PPP6R3: variants seen among roughly 807,000 people sequenced by gnomAD.
PPP6R3 encodes the protein protein phosphatase 6 regulatory subunit 3.
PPP6R3 carries 38 observed loss-of-function variants against 110.7 expected under a neutral mutation model. That is an observed-to-expected ratio of 0.34 (90% CI 0.26 to 0.45). PPP6R3 has a LOEUF of 0.45. Among genes scored for constraint, PPP6R3 ranks in the 20% least tolerant of loss-of-function variants. The pLI is 1.00. For missense variants in PPP6R3, 870 were observed against 1,062.4 expected, an observed-to-expected ratio of 0.82 and a Z score of 2.52; for synonymous variants, 369 against 373.5, an observed-to-expected ratio of 0.99 and a Z score of 0.14.
At chr11:68,544,428 T>C (rs1001401417) in intron 3 of PPP6R3, among the ~76,000 whole-genome samples, 2 of 152,326 alleles carry the variant, frequency 1.3e-5, no homozygotes, top group Non-Finnish European at 2.9e-5. Context: ...CAGTGCAGTT[T>C]CCTGGAAACC....
At chr11:68,606,818 T>C (rs1180905845) in intron 22 of PPP6R3, among the ~76,000 whole-genome samples, 3 of 152,158 alleles carry the variant, frequency 2.0e-5, no homozygotes, top group Non-Finnish European at 4.4e-5. Context: ...GATAAAACTG[T>C]TGTTCTTTGC....
At chr11:68,570,506 G>A (rs2099499755) in intron 11 of PPP6R3, among the ~76,000 whole-genome samples, 1 of 152,218 alleles carries the variant, frequency 6.6e-6, no homozygotes, top group Non-Finnish European at 1.5e-5. Flanking sequence ...CACCTGAGAA[G>A]AACTAGCCCT....
At chr11:68,487,600 A>T (rs905928729) in intron 1 of PPP6R3, among the ~76,000 whole-genome samples, 28 of 151,120 alleles carry the variant, frequency 1.9e-4, no homozygotes, top group African/African-American at 6.8e-4. Flanking sequence ...TTTTTTATTT[A>T]GTTAAAAATA....
rs1179617745 is a variant in PPP6R3, at chr11:68,477,741, A to AATATATAT, written c.-158+16938_-158+16945dup. ...GACATTGTCTCTTAAAAAAAAAAAA[A>AATATATAT]ATATATATATATATATATATATATA... is the stretch of plus-strand genomic sequence containing the variant. On this transcript the variant is annotated intron_variant, in intron 1 of 23. Coordinates refer to ENST00000393800, the MANE Select transcript of PPP6R3 (RefSeq NM_001164161.2). 4.0e-3 allele frequency among the ~76,000 whole-genome samples: 229 copies of AATATATAT among 57,846 alleles called. 3 individuals carry two copies. The highest frequency in any genetic ancestry group is 0.023 in the Middle Eastern group (2 of 86). The allele number at this position is 57,846 out of a possible 152,430, so 37.9% of individuals were successfully genotyped here. A position where few individuals can be genotyped will look rare whatever the true frequency, so the allele number is the denominator to read the frequency against.
At chr11:68,597,819 A>AAG (rs2099618737) in intron 19 of PPP6R3, among the ~76,000 whole-genome samples, 1 of 147,908 alleles carries the variant, frequency 6.8e-6, no homozygotes, top group Admixed American at 6.7e-5. Context: ...TCTCTACTGA[A>AAG]AAAAAAAAAA....
rs370939332 is a variant in PPP6R3, at chr11:68,613,119, G to A, written c.*2G>A. On this transcript the variant is annotated 3_prime_UTR_variant, in exon 24 of 24. Transcript: ENST00000393800. The stretch of plus-strand genomic sequence containing the variant: ...ACTTCAGTGAATGGCCCTGTATGAC[G>A]GGTGACGTCTGCTGCTGCTGACTGA... 4 of 1,613,852 alleles carry A rather than the reference G, an allele frequency of 2.5e-6. No individual in the cohort carries two copies. The highest frequency in any genetic ancestry group is 3.3e-5 in the Admixed American group (2 of 59,994).
chr11:68,592,683 C>T (rs1298031753), intron 18 of PPP6R3, among the ~76,000 whole-genome samples: 3 of 152,194 alleles, frequency 2.0e-5, no homozygotes, highest in Non-Finnish European at 4.4e-5. Context: ...GTTGAGTTAT[C>T]TCCTATGATC....
At chr11:68,608,251 A>C (rs1230117174) in intron 22 of PPP6R3, among the ~76,000 whole-genome samples, 2 of 152,244 alleles carry the variant, frequency 1.3e-5, no homozygotes, top group East Asian at 1.9e-4. Context: ...AAGAAAACCC[A>C]AATTAGAAAA....
intron 1 of PPP6R3, among the ~76,000 whole-genome samples, chr11:68,464,005 G>A (rs1394113282): frequency 6.6e-6 from 1 of 152,220 alleles, no homozygotes. Flanking sequence ...ACACTGCTGA[G>A]GTTGAGAAAT....
rs1157617908 is a variant in PPP6R3, at chr11:68,496,853, CTTTTTT to C, written c.-157-22627_-157-22622del. Among the ~76,000 whole-genome samples, 412 of 61,234 alleles carry C rather than the reference CTTTTTT, an allele frequency of 6.7e-3. 2 individuals are homozygous for C. The highest frequency in any genetic ancestry group is 0.027 in the African/African-American group (393 of 14,820). 40.2% of individuals were successfully genotyped at this position (61,234 alleles called of 152,430 possible). A position where few individuals can be genotyped will look rare whatever the true frequency, so the allele number is the denominator to read the frequency against. On this transcript the variant is annotated intron_variant, in intron 1 of 23. Coordinates refer to ENST00000393800, the MANE Select transcript of PPP6R3 (RefSeq NM_001164161.2). ...TTTCTTAATTATTCCATATTCTTGT[CTTTTTT>C]TTTTTTTTTTTTTTTTTTTTGAGAC...
intron 2 of PPP6R3, among the ~76,000 whole-genome samples, chr11:68,527,784 A>G (rs747087390): frequency 1.1e-4 from 16 of 152,186 alleles, no homozygotes; most frequent in African/African-American, 3.6e-4. Context: ...TGTGTTGCCA[A>G]CCTAATCCTA....
intron 1 of PPP6R3, among the ~76,000 whole-genome samples, chr11:68,463,911 G>A (rs1000105721): frequency 1.3e-5 from 2 of 152,086 alleles, no homozygotes; most frequent in African/African-American, 4.8e-5. Context: ...GAGGGTAGAG[G>A]CCAAGGATAC....
At chr11:68,611,138 T>G (rs2153977334) in intron 23 of PPP6R3, among the ~76,000 whole-genome samples, 1 of 152,336 alleles carries the variant, frequency 6.6e-6, no homozygotes, top group Non-Finnish European at 1.5e-5. Flanking sequence ...CTGCCTCAAC[T>G]CTGCTTCTAC....
chr11:68,597,162 A>G (rs1007886343), intron 19 of PPP6R3, among the ~76,000 whole-genome samples: 1 of 152,170 alleles, frequency 6.6e-6, no homozygotes, highest in Non-Finnish European at 1.5e-5. Context: ...CTCTGCCTCC[A>G]GGGGCTTGGG....
intron 12 of PPP6R3, among the ~76,000 whole-genome samples, chr11:68,573,114 T>TTATATATATATATATATATATATATA (rs60848718): frequency 8.1e-5 from 5 of 61,798 alleles, no homozygotes; most frequent in Non-Finnish European, 1.1e-4. Flanking sequence ...TTTACTTATT[T>TTATATATATATATATATATATATATA]TATATATATA....
chr11:68,464,430 C>T (rs768226527), intron 1 of PPP6R3, among the ~76,000 whole-genome samples: 38 of 152,014 alleles, frequency 2.5e-4, no homozygotes, highest in Non-Finnish European at 4.4e-4. Context: ...TGCCCGGCCA[C>T]GAGAATCTAT....
intron 22 of PPP6R3, among the ~76,000 whole-genome samples, chr11:68,605,744 T>G (rs1939343856): frequency 6.6e-6 from 1 of 152,190 alleles, no homozygotes; most frequent in Non-Finnish European, 1.5e-5. Context: ...CAATGAGAGA[T>G]AGTCTAATTT....
At chr11:68,533,704 C>CAAAA (rs58617776) in intron 2 of PPP6R3, among the ~76,000 whole-genome samples, 9 of 56,164 alleles carry the variant, frequency 1.6e-4, no homozygotes, top group Admixed American at 5.1e-4. Flanking sequence ...GACCTTGTCT[C>CAAAA]AAAAAAAAAA....
chr11:68,487,567 CAA>C (rs1229907000), intron 1 of PPP6R3, among the ~76,000 whole-genome samples: 4 of 132,730 alleles, frequency 3.0e-5, no homozygotes, highest in Non-Finnish European at 4.9e-5. Flanking sequence ...AAGACTGCCT[CAA>C]AAAAAAAAAA....
Sources: allele counts gnomAD v4.1 joint callset (sites outside exome capture counted in the v4.1 genomes callset), GRCh38; gene constraint gnomAD v4.1.1; transcripts MANE v1.5; gene names NCBI Gene and HGNC (gene_info 2026-07-23, HGNC 2026-07-21).